The following MYO10 variants were observed in gnomAD, a reference collection of about 807,000 sequenced individuals.
MYO10 encodes myosin X, also known as unconventional myosin-X.
In MYO10, 133 loss-of-function variants were observed where a neutral mutation model predicts 257.3. The observed-to-expected ratio is 0.52, with a 90% CI of 0.45 to 0.60. MYO10 has a LOEUF of 0.60. Ranked by LOEUF, MYO10 falls within the 20% of genes least tolerant of loss-of-function variation. MYO10 has a pLI of 0.00. For synonymous variants in MYO10, 1,104 were observed against 1,028.6 expected, an observed-to-expected ratio of 1.07 and a Z score of -1.40; for missense variants, 2,399 against 2,635.7, an observed-to-expected ratio of 0.91 and a Z score of 1.97.
At chr5:16,815,967 T>A (rs560400408) in intron 3 of MYO10, among the ~76,000 whole-genome samples, 1 of 151,848 alleles carries the variant, frequency 6.6e-6, no homozygotes, top group African/African-American at 2.4e-5. Flanking sequence ...TGATTGAATT[T>A]CTCTGGACAG....
At position 16,780,420 on chromosome 5, in the gene MYO10, C is replaced by A; in HGVS notation, c.826+104G>T. The stretch of plus-strand genomic sequence containing the variant: ...CGCATAGTGTACATTTCATTGCTAT[C>A]GGTGAAATGTCAACATTAAAACAGA... On this transcript the variant is annotated intron_variant, in intron 8 of 40. Coordinates refer to ENST00000513610, the MANE Select transcript of MYO10 (RefSeq NM_012334.3). The A allele has an allele frequency of 4.7e-6, 5 of 1,069,472 alleles. No individual in the cohort carries two copies. The South Asian group carries it at 6.9e-5, about 15-fold the overall frequency. 66.2% of individuals were successfully genotyped at this position (1,069,472 alleles called of 1,614,324 possible).
Position 16,788,182 on chromosome 5 carries a change from C to T in MYO10, c.468-4713G>A, listed in dbSNP as rs184615935. 1.9e-3 allele frequency among the ~76,000 whole-genome samples: 291 copies of T among 152,010 alleles called. 2 individuals carry two copies. The highest frequency in any genetic ancestry group is 6.8e-3 in the Middle Eastern group (2 of 294). Reference sequence around the variant, plus strand: ...CAAAAAGGTGATGCGGGAAGGGCCGCGGGGGCAGCAGAGATGAAGTGAGAG... The same window carrying T: ...CAAAAAGGTGATGCGGGAAGGGCCGTGGGGGCAGCAGAGATGAAGTGAGAG... On this transcript the variant is annotated intron_variant, in intron 4 of 40. Coordinates refer to ENST00000513610, the MANE Select transcript of MYO10 (RefSeq NM_012334.3).
At chr5:16,750,258 C>T (rs947810349) in intron 19 of MYO10, among the ~76,000 whole-genome samples, 9 of 152,098 alleles carry the variant, frequency 5.9e-5, no homozygotes, top group Non-Finnish European at 1.3e-4. Context: ...GCCTTCTATA[C>T]AATACCCAAG....
At chr5:16,873,418 C>T (rs1354016773) in intron 2 of MYO10, among the ~76,000 whole-genome samples, 2 of 152,172 alleles carry the variant, frequency 1.3e-5, no homozygotes, top group African/African-American at 2.4e-5. Context: ...CATGGGCTGG[C>T]GTTGAGTGTC....
chr5:16,843,584 T>C (rs1041766183), intron 2 of MYO10, among the ~76,000 whole-genome samples: 1 of 152,198 alleles, frequency 6.6e-6, no homozygotes, highest in African/African-American at 2.4e-5. Context: ...TTTCAAAATA[T>C]GTCTTATTTG....
At chr5:16,677,777 G>A (rs1321531676) in intron 33 of MYO10, among the ~76,000 whole-genome samples, 1 of 114,498 alleles carries the variant, frequency 8.7e-6, no homozygotes, top group African/African-American at 3.4e-5. Context: ...TTTTTTTTTT[G>A]CAGACAGAGT....
Position 16,762,143 on chromosome 5 carries a change from A to AT in MYO10, c.1588-31_1588-30insA, listed in dbSNP as rs1553993578. On this transcript the variant is annotated intron_variant, in intron 15 of 40. Transcript: ENST00000513610. The stretch of plus-strand genomic sequence containing the variant: ...AAAAAAAAAAAAAAAAAAAAAAAAA[A>AT]ATACAATGCCTTATTTCACTCACTG... 4,659 of 1,090,144 alleles carry AT rather than the reference A, an allele frequency of 4.3e-3. 256 individuals carry two copies. The highest frequency in any genetic ancestry group is 5.5e-3 in the Middle Eastern group (17 of 3,098). 67.5% of individuals were successfully genotyped at this position (1,090,144 alleles called of 1,614,324 possible). A position where few individuals can be genotyped will look rare whatever the true frequency, so the allele number is the denominator to read the frequency against.
chr5:16,930,661 C>A (rs527966234), intron 1 of MYO10, among the ~76,000 whole-genome samples: 42 of 152,312 alleles, frequency 2.8e-4, no homozygotes, highest in African/African-American at 9.4e-4. Flanking sequence ...TACTCACCTA[C>A]TATGTGCCAA....
intron 19 of MYO10, among the ~76,000 whole-genome samples, chr5:16,737,735 G>A (rs372597296): frequency 4.8e-4 from 73 of 152,330 alleles, no homozygotes; most frequent in African/African-American, 1.6e-3. Flanking sequence ...GTCTGGAGAC[G>A]TTGAGAGAGG....
chr5:16,723,345 G>A (rs575433420), intron 19 of MYO10, among the ~76,000 whole-genome samples: 18 of 151,942 alleles, frequency 1.2e-4, no homozygotes, highest in Admixed American at 2.0e-4. Flanking sequence ...CCAAGGTTGC[G>A]CCACTGCACT....
At position 16,681,314 on chromosome 5, in the gene MYO10, T is replaced by A; in HGVS notation, c.4379A>T (p.Glu1460Val). ...CGGGCAGCCAGCCTGGTTACCTGTC[T>A]CTTTGAATATCTTCTCATCTGGGGG... is the stretch of plus-strand genomic sequence containing the variant. ...VVPPDEKIFK[E>V]TGYWNVTVYG... The change falls in exon 32 of 41, where the codon GAG (glutamate) becomes GTG (valine). Residue 1460 changes from glutamate (E) to valine (V), a missense_variant. Physicochemically the swap from Glu to Val is moderately radical, Grantham distance 121. Around this residue, in one of 3 missense-constraint regions of MYO10, gnomAD observed 1,820 missense variants for 1,939.4 expected, o/e 0.94. Transcript: ENST00000513610. 6.2e-7 allele frequency: 1 copy of A among 1,606,254 alleles called. No individual in the cohort carries two copies. The highest frequency in any genetic ancestry group is 8.5e-7 in the Non-Finnish European group (1 of 1,177,898).
intron 14 of MYO10, among the ~76,000 whole-genome samples, chr5:16,762,968 GAAAAA>G (rs35384200): frequency 1.7e-5 from 2 of 117,582 alleles, no homozygotes. Flanking sequence ...CGTCTCAGGG[GAAAAA>G]AAAAAAAAAA....
At chr5:16,852,105 A>G (rs1342610022) in intron 2 of MYO10, among the ~76,000 whole-genome samples, 2 of 149,522 alleles carry the variant, frequency 1.3e-5, no homozygotes, top group East Asian at 2.0e-4. Context: ...TGGGAAGGAA[A>G]GAAGGAAGGA....
intron 37 of MYO10, among the ~76,000 whole-genome samples, chr5:16,671,841 GAAAC>G (rs1239780773): frequency 1.3e-5 from 2 of 152,126 alleles, no homozygotes; most frequent in African/African-American, 2.4e-5. Flanking sequence ...GGGAAGAAAA[GAAAC>G]AAAAGCCTGT....
intron 17 of MYO10, among the ~76,000 whole-genome samples, chr5:16,760,016 T>C (rs766077040): frequency 2.0e-5 from 3 of 150,978 alleles, no homozygotes; most frequent in Non-Finnish European, 3.0e-5. Flanking sequence ...TTACAGCTTT[T>C]AAACTTTTTT....
chr5:16,777,873 G>A (rs1296718430), intron 9 of MYO10, among the ~76,000 whole-genome samples: 3 of 99,760 alleles, frequency 3.0e-5, no homozygotes, highest in African/African-American at 1.5e-4. Context: ...TTTTTGAGAC[G>A]GAGTCTTGCA....
At chr5:16,707,600 C>T (rs1260822724) in intron 21 of MYO10, among the ~76,000 whole-genome samples, 2 of 152,200 alleles carry the variant, frequency 1.3e-5, no homozygotes, top group African/African-American at 4.8e-5. Flanking sequence ...AAAAGTCTGA[C>T]ACTGAAGTCC....
At chr5:16,715,372 G>A (rs11957701) in intron 19 of MYO10, among the ~76,000 whole-genome samples, 1,761 of 150,036 alleles carry the variant, frequency 0.012, 14 homozygotes, top group African/African-American at 0.019. Context: ...CAGATATGGC[G>A]ATGGTGCCGT....
chr5:16,936,064 C>A lies in MYO10; in HGVS notation c.-256G>T, dbSNP rs926867973. ...CCAAGTTCCTCACTACTGGGCGCAG[C>A]GCTCGCAAGCGGAGAACAGCTGGTG... On this transcript the variant is annotated 5_prime_UTR_variant, in exon 1 of 41. Transcript: ENST00000513610. 3.5e-5 allele frequency: 18 copies of A among 517,820 alleles called. No individual in the cohort carries two copies. Among genetic ancestry groups the A allele is most frequent in the Non-Finnish European group, 5.5e-5 (16 of 290,968 alleles). The allele number at this position is 517,820 out of a possible 1,614,324, so 32.1% of individuals were successfully genotyped here. A position where few individuals can be genotyped will look rare whatever the true frequency, so the allele number is the denominator to read the frequency against.
Sources: gnomAD v4.1 joint callset for allele counts (sites outside exome capture counted in the v4.1 genomes callset) on GRCh38, gnomAD v4.1.1 for gene constraint, gnomAD v4.1.1 regional missense constraint, MANE v1.5 for transcripts, NCBI Gene and HGNC (gene_info 2026-07-23, HGNC 2026-07-21) for gene names.